Variants in SNAPC3 observed in about 807,000 individuals in gnomAD.
SNAPC3 encodes small nuclear RNA activating complex polypeptide 3.
SNAPC3 carries 56 observed loss-of-function variants against 47.7 expected under a neutral mutation model. The observed-to-expected ratio is 1.18, with a 90% CI of 0.95 to 1.47. The LOEUF is 1.47. SNAPC3 is among the 40% of genes most tolerant of loss of function. The pLI, the probability that SNAPC3 is intolerant of heterozygous loss-of-function variation, is 0.00. For missense variants in SNAPC3, 665 were observed against 511.3 expected, an observed-to-expected ratio of 1.30 and a Z score of -2.90; for synonymous variants, 235 against 189.9, an observed-to-expected ratio of 1.24 and a Z score of -1.95.
chr9:15,465,477 T>C (rs200518129), downstream of SNAPC3: 288 of 1,460,400 alleles, frequency 2.0e-4, no homozygotes, highest in African/African-American at 3.7e-3. Context: ...ATGAAAACCA[T>C]TACAAACTTC....
At chr9:15,452,443 C>G (rs890687306) in intron 6 of SNAPC3, among the ~76,000 whole-genome samples, 1 of 152,104 alleles carries the variant, frequency 6.6e-6, no homozygotes, top group Admixed American at 6.6e-5. Flanking sequence ...CTCAGCCTCC[C>G]CAGTAGCTGG....
At chr9:15,425,148 T>C (rs1375704018) in intron 2 of SNAPC3, among the ~76,000 whole-genome samples, 2 of 152,218 alleles carry the variant, frequency 1.3e-5, no homozygotes, top group African/African-American at 4.8e-5. Context: ...TTCAACCACT[T>C]TCTCTTTCAG....
intron 5 of SNAPC3, among the ~76,000 whole-genome samples, chr9:15,449,560 TA>T (rs1320137520): frequency 0.011 from 464 of 41,468 alleles, 2 homozygotes; most frequent in East Asian, 0.042. Flanking sequence ...TATATATATA[TA>T]TATTTTTTTT....
chr9:15,452,013 G>C (rs1348708076), intron 6 of SNAPC3, among the ~76,000 whole-genome samples: 2 of 152,012 alleles, frequency 1.3e-5, no homozygotes, highest in Non-Finnish European at 2.9e-5. Flanking sequence ...ACCCAGTCTG[G>C]AGTATGGTGG....
downstream of SNAPC3, chr9:15,462,846 G>A (rs1434192936): frequency 6.6e-6 from 1 of 152,124 alleles, no homozygotes; most frequent in African/African-American, 2.4e-5. Context: ...TAATGATACA[G>A]GTTTGCTATT....
chr9:15,429,289 C>T (rs954422023), intron 2 of SNAPC3, among the ~76,000 whole-genome samples: 1 of 152,032 alleles, frequency 6.6e-6, no homozygotes. Context: ...GAGTTTTCGA[C>T]ATAACGAAAA....
intron 7 of SNAPC3, among the ~76,000 whole-genome samples, chr9:15,454,886 A>C (rs1458654079): frequency 6.6e-6 from 1 of 152,166 alleles, no homozygotes; most frequent in Non-Finnish European, 1.5e-5. Context: ...GTGAGCTGAG[A>C]TCGTGCCACT....
chr9:15,431,882 G>GTTTT (rs1371238180), intron 2 of SNAPC3: 1 of 109,550 alleles, frequency 9.1e-6, no homozygotes, highest in African/African-American at 3.4e-5. Flanking sequence ...ATTAAAGCCT[G>GTTTT]TCTTTTTTTT....
At chr9:15,446,803 T>C (rs1348875373) in intron 4 of SNAPC3, among the ~76,000 whole-genome samples, 1 of 152,168 alleles carries the variant, frequency 6.6e-6, no homozygotes, top group Non-Finnish European at 1.5e-5. Context: ...CCTTGTAGCC[T>C]GGTGCTTGGC....
At chr9:15,463,828 T>G (rs936616778), downstream of SNAPC3, 1 of 152,342 alleles carries the variant, frequency 6.6e-6, no homozygotes, top group African/African-American at 2.4e-5. Context: ...AATTGGAATA[T>G]TCTGTGGCTT....
chr9:15,423,213 G>T lies in SNAPC3; in HGVS notation c.314+20G>T, dbSNP rs553600154. On this transcript the variant is annotated intron_variant, in intron 1 of 8. Transcript: ENST00000380821. ...GTGCGGGTGAGTGCGGAGCAAAGGG[G>T]CTCTTGCAGCTTGGGGTCAAACAGG... The T allele has an allele frequency of 1.3e-6, 2 of 1,556,700 alleles. No homozygotes were observed. Among genetic ancestry groups the T allele is most frequent in the African/African-American group, 2.8e-5 (2 of 71,998 alleles).
At chr9:15,463,163 A>C (rs1418741756), downstream of SNAPC3, 1 of 150,674 alleles carries the variant, frequency 6.6e-6, no homozygotes, top group East Asian at 1.9e-4. Context: ...CAATTTCTCC[A>C]AGCAGCTAAG....
downstream of SNAPC3, chr9:15,462,988 C>T (rs1474946484): frequency 6.6e-6 from 1 of 152,048 alleles, no homozygotes; most frequent in African/African-American, 2.4e-5. Context: ...CATCTGTAAC[C>T]AGGTAAGTGT....
At chr9:15,463,069 A>G (rs2035338524), downstream of SNAPC3, 1 of 152,124 alleles carries the variant, frequency 6.6e-6, no homozygotes, top group Non-Finnish European at 1.5e-5. Context: ...ACTGGATATA[A>G]TATTAATTAT....
chr9:15,464,696 A>G (rs1263980831), downstream of SNAPC3: 1 of 198,984 alleles, frequency 5.0e-6, no homozygotes, highest in African/African-American at 2.3e-5. Context: ...TTCCTCAAAA[A>G]TAAACTTACT....
intron 2 of SNAPC3, among the ~76,000 whole-genome samples, chr9:15,427,299 AACTT>A (rs1370876948): frequency 1.3e-5 from 2 of 152,192 alleles, no homozygotes; most frequent in East Asian, 1.9e-4. Flanking sequence ...GTGCTGCTAA[AACTT>A]ACTTGTCATT....
intron 3 of SNAPC3, among the ~76,000 whole-genome samples, chr9:15,441,725 T>C (rs1316462160): frequency 1.3e-5 from 2 of 152,120 alleles, no homozygotes; most frequent in African/African-American, 2.4e-5. Flanking sequence ...AGGTTATAGA[T>C]TAACAGCATC....
chr9:15,450,149 G>A (rs1214941252), intron 5 of SNAPC3, among the ~76,000 whole-genome samples: 1 of 152,036 alleles, frequency 6.6e-6, no homozygotes, highest in African/African-American at 2.4e-5. Flanking sequence ...ATGACATTAA[G>A]TACATTATAC....
At chr9:15,433,048 G>A (rs1384046070) in intron 2 of SNAPC3, among the ~76,000 whole-genome samples, 1 of 152,024 alleles carries the variant, frequency 6.6e-6, no homozygotes, top group Non-Finnish European at 1.5e-5. Context: ...AATGAGAAGG[G>A]CATCATTGTA....
Sources: gnomAD v4.1 joint callset for allele counts (sites outside exome capture counted in the v4.1 genomes callset) on GRCh38, gnomAD v4.1.1 for gene constraint, MANE v1.5 for transcripts, NCBI Gene and HGNC (gene_info 2026-07-23, HGNC 2026-07-21) for gene names.